Variants in LRBA observed in about 807,000 individuals in gnomAD.
LRBA encodes the protein LPS responsive beige-like anchor protein.
LRBA carries 176 observed loss-of-function variants against 330.0 expected under a neutral mutation model. The ratio of observed to expected loss-of-function variants is 0.53; its 90% CI spans 0.47 to 0.60. The LOEUF is 0.60. Ranked by LOEUF, LRBA falls within the 20% of genes least tolerant of loss-of-function variation. The probability of loss-of-function intolerance (pLI) is 0.00; values close to 1 mark genes in which losing one functional copy is unlikely to be tolerated. For synonymous variants in LRBA, 1,230 were observed against 1,193.0 expected (o/e 1.03, Z -0.64); for missense variants, 3,259 against 3,444.8 (o/e 0.95, Z 1.35).
At chr4:150,834,974 T>G (rs2126840996) in intron 28 of LRBA, among the ~76,000 whole-genome samples, 1 of 152,344 alleles carries the variant, frequency 6.6e-6, no homozygotes, top group African/African-American at 2.4e-5. Context: ...CTTGAATTAA[T>G]GCTTGTATAA....
At chr4:150,872,789 G>A (rs761212822) in intron 17 of LRBA, 34 bp from the exon 18 acceptor site, 7 of 1,119,016 alleles carry the variant, frequency 6.3e-6, no homozygotes, top group Middle Eastern at 4.0e-4. Context: ...AAACTATTTT[G>A]AGTATAATTT....
chr4:150,980,737 A>C (rs1243360015), intron 2 of LRBA, among the ~76,000 whole-genome samples: 1 of 152,156 alleles, frequency 6.6e-6, no homozygotes, highest in Non-Finnish European at 1.5e-5. Flanking sequence ...ATTTGGAAAA[A>C]CCTAGAGAGT....
intron 56 of LRBA, 80 bp from the exon 57 acceptor site, chr4:150,265,892 C>G: frequency 1.2e-6 from 1 of 849,206 alleles, no homozygotes; most frequent in Non-Finnish European, 2.0e-6. Context: ...TCCCCAAATC[C>G]ACAAGGTAAA....
chr4:150,860,104 T>A (rs572755027), intron 22 of LRBA, among the ~76,000 whole-genome samples: 1 of 152,100 alleles, frequency 6.6e-6, no homozygotes, highest in African/African-American at 2.4e-5. Flanking sequence ...CTATAAAGAT[T>A]TAAAATTCCA....
chr4:150,300,846 A>C lies in LRBA; in HGVS notation c.8017+1779T>G, dbSNP rs1729583002. Among the ~76,000 whole-genome samples, 4 of 152,124 alleles carry C rather than the reference A, an allele frequency of 2.6e-5. No individual in the cohort carries two copies. The South Asian group carries it at 8.3e-4, about 31-fold the overall frequency. The stretch of plus-strand genomic sequence containing the variant: ...TGAAATGCAATAGTAATTACATACA[A>C]GTGTAGCTAATAGGTCTTTAGCTGC... On this transcript the variant is annotated intron_variant, in intron 53 of 56. Transcript: ENST00000651943.
intron 22 of LRBA, among the ~76,000 whole-genome samples, chr4:150,860,723 G>A (rs1751805090): frequency 6.6e-6 from 1 of 152,044 alleles, no homozygotes. Flanking sequence ...GCTACTCAGG[G>A]AGGCTGAGGC....
intron 47 of LRBA, among the ~76,000 whole-genome samples, chr4:150,385,189 C>T (rs1334980143): frequency 1.3e-5 from 2 of 151,780 alleles, no homozygotes. Context: ...AAAACATTAG[C>T]TAGAAAAAGA....
chr4:150,652,450 T>G (rs1384646447), intron 37 of LRBA, among the ~76,000 whole-genome samples: 1 of 152,214 alleles, frequency 6.6e-6, no homozygotes. Flanking sequence ...TATGCTCTTG[T>G]TCTTGTAACA....
intron 36 of LRBA, among the ~76,000 whole-genome samples, chr4:150,726,435 A>G (rs1729681435): frequency 5.9e-5 from 9 of 152,220 alleles, no homozygotes; most frequent in Admixed American, 5.9e-4. Context: ...TCAATCCAGC[A>G]AGAGGATATA....
At chr4:150,385,849 T>C (rs371134803) in intron 47 of LRBA, among the ~76,000 whole-genome samples, 4 of 152,186 alleles carry the variant, frequency 2.6e-5, no homozygotes, top group African/African-American at 9.6e-5. Context: ...AAGCATGCTA[T>C]CCCATGAGCC....
chr4:150,921,992 G>A (rs1579211166), intron 4 of LRBA, among the ~76,000 whole-genome samples: 1 of 152,062 alleles, frequency 6.6e-6, no homozygotes, highest in Non-Finnish European at 1.5e-5. Flanking sequence ...CAAAGTGGTG[G>A]GATTACAGGC....
chr4:150,287,686 A>G (rs1057504369), intron 53 of LRBA, among the ~76,000 whole-genome samples: 1 of 152,228 alleles, frequency 6.6e-6, no homozygotes, highest in African/African-American at 2.4e-5. Context: ...CTGGCGTGCT[A>G]TGTGCAGCCA....
chr4:150,549,862 G>C (rs981316359), intron 40 of LRBA, among the ~76,000 whole-genome samples: 10 of 152,304 alleles, frequency 6.6e-5, no homozygotes, highest in Non-Finnish European at 1.2e-4. Flanking sequence ...TCTGATTCCT[G>C]AAAGTATTAG....
At chr4:150,408,192 A>C (rs1195963165) in intron 47 of LRBA, among the ~76,000 whole-genome samples, 2 of 152,118 alleles carry the variant, frequency 1.3e-5, no homozygotes, top group Non-Finnish European at 2.9e-5. Flanking sequence ...CAATTACCAA[A>C]AATCAGTATA....
In LRBA at chr4:150,732,249, C is replaced by T. The variant is rs149862001; in HGVS notation, c.5754+3009G>A. Among the ~76,000 whole-genome samples, 27 of 151,950 alleles carry T rather than the reference C, an allele frequency of 1.8e-4. No homozygotes were observed. In the East Asian group the frequency reaches 4.6e-3, roughly 26 times the overall value. Reference sequence around the variant, plus strand: ...ATACTGCAATAAATAGCCATGTATACCTATCTTTAAATACTATTATTTTTA... The same window carrying T: ...ATACTGCAATAAATAGCCATGTATATCTATCTTTAAATACTATTATTTTTA... On this transcript the variant is annotated intron_variant, in intron 36 of 56. Coordinates refer to ENST00000651943, the MANE Select transcript of LRBA (RefSeq NM_001364905.1).
intron 37 of LRBA, among the ~76,000 whole-genome samples, chr4:150,651,139 A>G (rs1779669177): frequency 6.6e-6 from 1 of 152,208 alleles, no homozygotes; most frequent in Admixed American, 6.5e-5. Flanking sequence ...ACTGTAAAGC[A>G]CATGTTTAGT....
intron 47 of LRBA, among the ~76,000 whole-genome samples, chr4:150,366,054 G>A (rs1581124452): frequency 6.6e-6 from 1 of 152,162 alleles, no homozygotes; most frequent in South Asian, 2.1e-4. Context: ...TTTAAAAAAT[G>A]TATAGCACAA....
At chr4:150,299,988 GCATTGTGGAAC>G (rs57781148) in intron 53 of LRBA, among the ~76,000 whole-genome samples, 3,720 of 152,160 alleles carry the variant, frequency 0.024, 156 homozygotes, top group African/African-American at 0.082. Flanking sequence ...TTCAGCAGCT[GCATTGTGGAAC>G]CATCAATGAG....
In LRBA at chr4:150,789,787, GA is replaced by G. The variant is rs535016750; in HGVS notation, c.5580+8293del. 4.6e-3 allele frequency among the ~76,000 whole-genome samples: 696 copies of G among 150,874 alleles called. 6 individuals carry two copies. The highest frequency in any genetic ancestry group is 0.016 in the African/African-American group (664 of 41,196). On this transcript the variant is annotated intron_variant, in intron 34 of 56. Transcript: ENST00000651943. ...AACTTCAGTAGATTGATTAGAATAG[GA>G]AAAAAAAGTACTAAGTAAAAGCAAG...
Sources: gnomAD v4.1 joint callset for allele counts (sites outside exome capture counted in the v4.1 genomes callset) on GRCh38, gnomAD v4.1.1 for gene constraint, MANE v1.5 for transcripts, NCBI Gene and HGNC (gene_info 2026-07-23, HGNC 2026-07-21) for gene names.